The following TERB1 variants were observed in gnomAD, a reference collection of about 807,000 sequenced individuals.
The protein encoded by TERB1 is telomere repeat binding bouquet formation protein 1, also known as telomere repeats-binding bouquet formation protein 1.
Under a neutral mutation model 92.3 loss-of-function variants are expected in TERB1, and 63 were observed. The ratio of observed to expected loss-of-function variants is 0.68; its 90% CI spans 0.56 to 0.84. The LOEUF (loss-of-function observed/expected upper bound fraction) is 0.84. Among genes scored for constraint, TERB1 ranks in the 40% least tolerant of loss-of-function variants. The pLI is 0.00. For synonymous variants in TERB1, 252 were observed against 283.9 expected (o/e 0.89, Z 1.13); for missense variants, 709 against 843.7 (o/e 0.84, Z 1.98).
intron 12 of TERB1, among the ~76,000 whole-genome samples, chr16:66,774,029 G>A (rs1422978266): frequency 3.3e-5 from 5 of 151,572 alleles, no homozygotes; most frequent in East Asian, 3.9e-4. Flanking sequence ...ACAGGCGTGC[G>A]CCACCAGGCC....
intron 9 of TERB1, among the ~76,000 whole-genome samples, chr16:66,783,461 T>G (rs935131558): frequency 6.6e-6 from 1 of 152,200 alleles, no homozygotes; most frequent in Non-Finnish European, 1.5e-5. Context: ...ATTGCTAAAT[T>G]AGATTTGTTA....
chr16:66,799,486 C>T (rs989439058), intron 2 of TERB1, among the ~76,000 whole-genome samples: 5 of 152,138 alleles, frequency 3.3e-5, no homozygotes, highest in Non-Finnish European at 7.3e-5. Flanking sequence ...CCTCGGCCTC[C>T]GAAATTGCTG....
At chr16:66,768,980 G>A (rs1446305814) in intron 14 of TERB1, among the ~76,000 whole-genome samples, 3 of 151,702 alleles carry the variant, frequency 2.0e-5, no homozygotes, top group Non-Finnish European at 2.9e-5. Context: ...TGGCACATGC[G>A]TGTAATCCCA....
chr16:66,763,014 A>T (rs1266789374), intron 16 of TERB1, among the ~76,000 whole-genome samples: 1 of 152,060 alleles, frequency 6.6e-6, no homozygotes, highest in East Asian at 1.9e-4. Context: ...AGATAAAACT[A>T]TTATGACACC....
At chr16:66,767,338 C>CAAAAA in intron 16 of TERB1, 77 bp downstream of exon 16, 1 of 694,890 alleles carries the variant, frequency 1.4e-6, no homozygotes, top group Non-Finnish European at 2.2e-6. Context: ...GACTCTGTAT[C>CAAAAA]AAAAAAAAAA....
intron 16 of TERB1, among the ~76,000 whole-genome samples, chr16:66,762,770 A>G (rs754946805): frequency 5.9e-5 from 9 of 151,496 alleles, no homozygotes; most frequent in Non-Finnish European, 1.3e-4. Flanking sequence ...TACAACCTTA[A>G]CCTCCTGGGC....
In TERB1 at chr16:66,759,187, T is replaced by G; in HGVS notation, c.1884A>C (p.Glu628Asp). 1.3e-6 allele frequency: 2 copies of G among 1,550,562 alleles called. No individual in the cohort carries two copies. Among genetic ancestry groups the G allele is most frequent in the Non-Finnish European group, 1.7e-6 (2 of 1,146,662 alleles). The change falls in exon 17 of 19, where the codon GAA becomes GAC. Residue 628 changes from glutamate to aspartate, a missense_variant. Glu to Asp is a conservative substitution (Grantham distance 45). Coordinates refer to ENST00000433154, the MANE Select transcript of TERB1 (RefSeq NM_001136505.2). ...TCCTTAGTTCACTTTTATATCTGTC[T>G]TCAGCTTCCACAATGACTTTGTGAC... ...CDRHKVIVEAEDRYKSELRKS... is the reference protein window; with the variant it reads ...CDRHKVIVEADDRYKSELRKS...
chr16:66,767,400 TAA>T lies in TERB1; in HGVS notation c.1780+13_1780+14del. On this transcript the variant is annotated intron_variant, in intron 16 of 18. Transcript: ENST00000433154. Reference sequence around the variant, plus strand: ...GCTTTGACTGTGAAACAACTGCAATTAAAAAAATACTTACCTGAGCACCTATA... The same window carrying T: ...GCTTTGACTGTGAAACAACTGCAATTAAAAATACTTACCTGAGCACCTATA... 1 of 1,453,482 alleles carries T rather than the reference TAA, an allele frequency of 6.9e-7. No individual in the cohort carries two copies. Among genetic ancestry groups the T allele is most frequent in the African/African-American group, 1.5e-5 (1 of 68,964 alleles). The allele number at this position is 1,453,482 out of a possible 1,614,324, so 90.0% of individuals were successfully genotyped here.
chr16:66,770,860 A>G (rs545751406), intron 13 of TERB1, among the ~76,000 whole-genome samples: 27 of 152,184 alleles, frequency 1.8e-4, no homozygotes, highest in South Asian at 8.3e-4. Flanking sequence ...ACATATATAT[A>G]TATTTTTTGA....
rs1021213803 is a variant in TERB1 at position 66,785,816 on chromosome 16, A to C, written c.670T>G (p.Ser224Ala). ...TTTGCAAGAGTGAGTCCAATAAATGAGCAAATAGGGCGAATTATCTCAGGT... is the reference window on the plus strand; with the variant it reads ...TTTGCAAGAGTGAGTCCAATAAATGCGCAAATAGGGCGAATTATCTCAGGT... ...TTPEIIRPIC[S>A]FIGLTLANNT... Residue 224 changes from serine to alanine, a missense_variant, in exon 9 of 19, where the codon TCA becomes GCA. Coordinates refer to ENST00000433154, the MANE Select transcript of TERB1 (RefSeq NM_001136505.2). The C allele has an allele frequency of 6.5e-7, 1 of 1,547,480 alleles. No homozygotes were observed. The highest frequency in any genetic ancestry group is 1.4e-5 in the African/African-American group (1 of 73,008).
intron 10 of TERB1, 33 bp from the exon 11 acceptor site, chr16:66,777,367 C>G: frequency 7.0e-7 from 1 of 1,421,930 alleles, no homozygotes; most frequent in Non-Finnish European, 9.6e-7. Flanking sequence ...AAAGATAGTA[C>G]AAATTTAAAA....
chr16:66,783,298 T>C (rs1377409755), intron 9 of TERB1, among the ~76,000 whole-genome samples: 1 of 152,240 alleles, frequency 6.6e-6, no homozygotes, highest in African/African-American at 2.4e-5. Context: ...AGATGTAGGT[T>C]GAATTATGTC....
chr16:66,785,450 T>C (rs1461000497), intron 9 of TERB1, among the ~76,000 whole-genome samples: 1 of 152,188 alleles, frequency 6.6e-6, no homozygotes, highest in African/African-American at 2.4e-5. Context: ...TTACCAGATA[T>C]TTGGGGCTTT....
Position 66,754,726 on chromosome 16 carries a change from T to C in TERB1, c.*250A>G, listed in dbSNP as rs1023281607. 4.7e-6 allele frequency: 2 copies of C among 423,192 alleles called. No homozygotes were observed. The highest frequency in any genetic ancestry group is 4.1e-5 in the African/African-American group (2 of 48,602). 26.2% of individuals were successfully genotyped at this position (423,192 alleles called of 1,614,324 possible). ...TGTGTCCTTTAAGCTTAAGGAAAAA[T>C]AAAAGCATATTCCTAAACAAATGTT... On this transcript the variant is annotated 3_prime_UTR_variant, in exon 19 of 19. Coordinates refer to ENST00000433154, the MANE Select transcript of TERB1 (RefSeq NM_001136505.2).
At position 66,772,601 on chromosome 16, in the gene TERB1, T is replaced by G; in HGVS notation, c.1260A>C (p.Arg420Ser). The change falls in exon 13 of 19, where the codon AGA becomes AGC. Residue 420 changes from arginine (R) to serine (S), a missense_variant. Coordinates refer to ENST00000433154, the MANE Select transcript of TERB1 (RefSeq NM_001136505.2). The stretch of plus-strand genomic sequence containing the variant: ...CAAAGAATCCAACCTCATTTCCTTC[T>G]CTTTCAAGCTGTTCTATTCTGTGTA... ...EILHRIEQLE[R>S]EGNEEEIQRE... 6.5e-7 allele frequency: 1 copy of G among 1,541,314 alleles called. No individual in the cohort carries two copies. Among genetic ancestry groups the G allele is most frequent in the Non-Finnish European group, 8.7e-7 (1 of 1,144,648 alleles).
chr16:66,755,362 T>C (rs1243722552), intron 18 of TERB1, among the ~76,000 whole-genome samples, 199 bp from the exon 19 acceptor site: 1 of 152,244 alleles, frequency 6.6e-6, no homozygotes, highest in Non-Finnish European at 1.5e-5. Flanking sequence ...TTGCTATCAC[T>C]GTGACTTCTT....
intron 1 of TERB1, 101 bp from the exon 2 acceptor site, chr16:66,801,154 CGGCCCT>C (rs1458283801): frequency 1.3e-5 from 2 of 152,634 alleles, no homozygotes; most frequent in African/African-American, 2.4e-5. Flanking sequence ...ACATGCGGCC[CGGCCCT>C]GGCCCTGGGA....
chr16:66,761,097 G>A lies in TERB1; in HGVS notation c.1781-1807C>T, dbSNP rs1424103921. On this transcript the variant is annotated intron_variant, in intron 16 of 18. Coordinates refer to ENST00000433154, the MANE Select transcript of TERB1 (RefSeq NM_001136505.2). ...TGCACTCCAACCTGGGCGACAGAGC[G>A]AGACTCCACCTCAAAAAAAAAAAAA... is the stretch of plus-strand genomic sequence containing the variant. 9.6e-5 allele frequency among the ~76,000 whole-genome samples: 12 copies of A among 124,470 alleles called. No individual in the cohort carries two copies. The Admixed American group carries it at 9.9e-4, about 10-fold the overall frequency. 81.7% of individuals were successfully genotyped at this position (124,470 alleles called of 152,430 possible).
chr16:66,765,849 ATTTTTTTTTTTTTTTT>A (rs10564947), intron 16 of TERB1, among the ~76,000 whole-genome samples: 13 of 62,462 alleles, frequency 2.1e-4, no homozygotes, highest in East Asian at 1.3e-3. Context: ...ACTATTGGGT[ATTTTTTTTTTTTTTTT>A]TTTTTTTTTT....
Sources: allele counts gnomAD v4.1 joint callset (sites outside exome capture counted in the v4.1 genomes callset), GRCh38; gene constraint gnomAD v4.1.1; transcripts MANE v1.5; gene names NCBI Gene and HGNC (gene_info 2026-07-23, HGNC 2026-07-21).